LMTK2: variants seen among roughly 807,000 people sequenced by gnomAD.
The protein encoded by LMTK2 is lemur tail kinase 2.
In LMTK2, 37 loss-of-function variants were observed where a neutral mutation model predicts 127.5. That is an observed-to-expected ratio of 0.29 (90% CI 0.22 to 0.38). The LOEUF is 0.38. Among genes scored for constraint, LMTK2 ranks in the 10% least tolerant of loss-of-function variants. LMTK2 has a pLI of 1.00. For missense variants in LMTK2, 1,694 were observed against 1,920.3 expected (o/e 0.88, Z 2.20); for synonymous variants, 819 against 810.1 (o/e 1.01, Z -0.19).
chr7:98,133,264 G>T (rs1377212264), intron 1 of LMTK2, among the ~76,000 whole-genome samples: 2 of 152,172 alleles, frequency 1.3e-5, no homozygotes, highest in African/African-American at 4.8e-5. Flanking sequence ...CTCGACGTAT[G>T]CCCTTCTCAG....
intron 11 of LMTK2, among the ~76,000 whole-genome samples, chr7:98,202,938 G>A (rs1169025901): frequency 6.6e-6 from 1 of 152,104 alleles, no homozygotes; most frequent in East Asian, 1.9e-4. Flanking sequence ...AATCGCACGC[G>A]CATCTGGAGC....
At chr7:98,138,245 G>A (rs919919512) in intron 2 of LMTK2, among the ~76,000 whole-genome samples, 2 of 152,198 alleles carry the variant, frequency 1.3e-5, no homozygotes, top group African/African-American at 2.4e-5. Context: ...GCGCAGGGCT[G>A]GCCCAGGAGC....
intron 3 of LMTK2, among the ~76,000 whole-genome samples, chr7:98,146,260 T>C (rs929130312): frequency 6.6e-6 from 1 of 152,190 alleles, no homozygotes; most frequent in Non-Finnish European, 1.5e-5. Flanking sequence ...AATCAAGATA[T>C]ATGAGTCTTC....
intron 9 of LMTK2, among the ~76,000 whole-genome samples, chr7:98,188,725 T>G (rs1797476266): frequency 2.0e-5 from 3 of 152,214 alleles, no homozygotes; most frequent in Admixed American, 1.3e-4. Context: ...CTGGCTGTTT[T>G]TAGAATTTTT....
intron 11 of LMTK2, among the ~76,000 whole-genome samples, chr7:98,195,718 A>G (rs1797613940): frequency 6.6e-6 from 1 of 152,136 alleles, no homozygotes; most frequent in African/African-American, 2.4e-5. Flanking sequence ...GTCCGTGGCT[A>G]TGGCGGGTCC....
At chr7:98,128,503 AC>A in intron 1 of LMTK2, among the ~76,000 whole-genome samples, 1 of 151,356 alleles carries the variant, frequency 6.6e-6, no homozygotes, top group Admixed American at 6.6e-5. Context: ...TGCTGTTGAA[AC>A]CCCCAGCCTG....
chr7:98,160,784 C>A (rs1264453529), intron 6 of LMTK2, among the ~76,000 whole-genome samples: 3 of 152,106 alleles, frequency 2.0e-5, no homozygotes, highest in Non-Finnish European at 4.4e-5. Context: ...GTTATGTAGG[C>A]ATGAACATTT....
rs1275437005 is a variant in LMTK2 at position 98,190,720 on chromosome 7, TCC to T, written c.999-7_999-6del. On this transcript the variant is annotated splice_polypyrimidine_tract_variant and splice_region_variant and intron_variant, in intron 9 of 13. Transcript: ENST00000297293. ...GAGAGAGAAACAGCCATTTTCTTTT[TCC>T]AACAGGTCTCTGGGTGTGACACTTT... 1.2e-6 allele frequency: 2 copies of T among 1,613,740 alleles called. No individual in the cohort carries two copies. Among genetic ancestry groups the T allele is most frequent in the Non-Finnish European group, 1.7e-6 (2 of 1,179,842 alleles).
intron 7 of LMTK2, among the ~76,000 whole-genome samples, chr7:98,181,986 G>A (rs912100647): frequency 3.9e-5 from 6 of 152,160 alleles, no homozygotes; most frequent in Non-Finnish European, 8.8e-5. Context: ...AGAGTACCAG[G>A]ACTATTCAAT....
chr7:98,107,096 AG>A lies in LMTK2; in HGVS notation c.-80del. 7.4e-6 allele frequency: 8 copies of A among 1,087,064 alleles called. No individual in the cohort carries two copies. The highest frequency in any genetic ancestry group is 9.8e-6 in the Non-Finnish European group (8 of 815,980). 67.3% of individuals were successfully genotyped at this position (1,087,064 alleles called of 1,614,324 possible). On this transcript the variant is annotated 5_prime_UTR_variant, in exon 1 of 14. Transcript: ENST00000297293. ...CGGGTGCCACTGAGGCAGCGGAGGGAGGCAGGATCGACTGACGGGCGAACGG... is the reference window on the plus strand; with the variant it reads ...CGGGTGCCACTGAGGCAGCGGAGGGAGCAGGATCGACTGACGGGCGAACGG...
rs1213328541 is a variant in LMTK2, at chr7:98,192,019, G to A, written c.1554G>A (p.Gly518=). The change falls in exon 11 of 14, where the codon GGG becomes GGA. Residue 518 remains glycine (G), a synonymous_variant. Transcript: ENST00000297293. ...TTGAGAGTTCGCTTTCAGATCCTGG[G>A]CCCGGAAAGCAAGATGACAGCGGCC... ...EVFESSLSDP[G]PGKQDDSGQD... The A allele has an allele frequency of 1.9e-6, 3 of 1,607,746 alleles. No individual in the cohort carries two copies. Among genetic ancestry groups the A allele is most frequent in the East Asian group, 4.5e-5 (2 of 44,708 alleles).
At chr7:98,137,058 G>A (rs1476625989) in intron 1 of LMTK2, among the ~76,000 whole-genome samples, 1 of 152,240 alleles carries the variant, frequency 6.6e-6, no homozygotes, top group African/African-American at 2.4e-5. Flanking sequence ...CTGTGGTAAT[G>A]TACGATGTTA....
Position 98,192,580 on chromosome 7 carries a change from T to G in LMTK2, c.2115T>G (p.Leu705=). The change falls in exon 11 of 14, where the codon CTT becomes CTG. Residue 705 remains leucine (L), a synonymous_variant. Transcript: ENST00000297293. ...DSEPLCLSDN[L]MHQDNFDPLN... is the part of the protein sequence containing the mutation. ...AGCCTCTCTGCCTATCAGATAATCTTATGCACCAAGATAATTTTGATCCAT... is the reference window on the plus strand; with the variant it reads ...AGCCTCTCTGCCTATCAGATAATCTGATGCACCAAGATAATTTTGATCCAT... The G allele has an allele frequency of 6.2e-7, 1 of 1,613,392 alleles. No individual in the cohort carries two copies. Among genetic ancestry groups the G allele is most frequent in the South Asian group, 1.1e-5 (1 of 90,772 alleles).
chr7:98,159,478 T>G (rs1409176121), intron 6 of LMTK2, 53 bp downstream of exon 6: 1 of 1,232,472 alleles, frequency 8.1e-7, no homozygotes, highest in African/African-American at 1.5e-5. Flanking sequence ...TGTATTCAAG[T>G]GTTTTTGACA....
chr7:98,200,338 T>A (rs1367500404), intron 11 of LMTK2, among the ~76,000 whole-genome samples: 1 of 152,232 alleles, frequency 6.6e-6, no homozygotes, highest in Non-Finnish European at 1.5e-5. Flanking sequence ...AAACACATTC[T>A]AAGAAACTCA....
At chr7:98,108,541 T>C (rs546412845) in intron 1 of LMTK2, among the ~76,000 whole-genome samples, 1 of 152,350 alleles carries the variant, frequency 6.6e-6, no homozygotes, top group East Asian at 1.9e-4. Flanking sequence ...GTTACTGCCT[T>C]AGATCAAATA....
chr7:98,180,227 AT>A (rs1346028990), intron 7 of LMTK2, among the ~76,000 whole-genome samples: 1 of 152,268 alleles, frequency 6.6e-6, no homozygotes, highest in Admixed American at 6.5e-5. Context: ...TATTTCAGAC[AT>A]GTGAGCTTTG....
chr7:98,132,781 A>AT (rs964384803), intron 1 of LMTK2, among the ~76,000 whole-genome samples: 9 of 150,128 alleles, frequency 6.0e-5, no homozygotes, highest in Non-Finnish European at 1.2e-4. Context: ...GTGGCCTTTA[A>AT]TTTTTTTTTT....
rs930551355 is a variant in LMTK2, at chr7:98,171,857, C to T, written c.791+183C>T. On this transcript the variant is annotated intron_variant, in intron 7 of 13. Coordinates refer to ENST00000297293, the MANE Select transcript of LMTK2 (RefSeq NM_014916.4). The surrounding 1 kb of genome is among the most constrained non-coding windows in gnomAD (Gnocchi z 5.1). ...GGGTTGAGTTGGGCTTCATTGAAAC[C>T]AGTACCAGGGAATAAGATGTCTTAA... Among the ~76,000 whole-genome samples the T allele has an allele frequency of 1.3e-5, 2 of 152,236 alleles. No individual in the cohort carries two copies. Among genetic ancestry groups the T allele is most frequent in the South Asian group, 2.1e-4 (1 of 4,838 alleles).
Sources: allele counts gnomAD v4.1 joint callset (sites outside exome capture counted in the v4.1 genomes callset), GRCh38; gene constraint gnomAD v4.1.1; non-coding constraint Gnocchi (gnomAD v3.1); transcripts MANE v1.5; gene names NCBI Gene and HGNC (gene_info 2026-07-23, HGNC 2026-07-21).